FBXW11: variants seen among roughly 807,000 people sequenced by gnomAD.
The protein encoded by FBXW11 is F-box/WD repeat-containing protein 11.
In FBXW11, 19 loss-of-function variants were observed where a neutral mutation model predicts 77.6. The observed-to-expected ratio is 0.24, with a 90% CI of 0.17 to 0.36. The LOEUF is 0.36. Among genes scored for constraint, FBXW11 ranks in the 10% least tolerant of loss-of-function variants. The pLI is 1.00. For missense variants in FBXW11, 334 were observed against 704.2 expected (o/e 0.47, Z 5.95); for synonymous variants, 235 against 249.4 (o/e 0.94, Z 0.54).
At chr5:171,993,305 T>C (rs185431570) in intron 1 of FBXW11, among the ~76,000 whole-genome samples, 9 of 152,180 alleles carry the variant, frequency 5.9e-5, no homozygotes, top group Non-Finnish European at 1.2e-4. Context: ...ACCTAGTAAG[T>C]AAATCTGCCT....
intron 2 of FBXW11, among the ~76,000 whole-genome samples, chr5:171,953,506 A>G (rs1763458559): frequency 6.6e-6 from 1 of 152,186 alleles, no homozygotes; most frequent in South Asian, 2.1e-4. Flanking sequence ...GAACAAAAAC[A>G]GCCTTATCAT....
At chr5:171,947,258 CAA>C (rs979316437) in intron 2 of FBXW11, among the ~76,000 whole-genome samples, 7 of 152,242 alleles carry the variant, frequency 4.6e-5, no homozygotes, top group African/African-American at 1.4e-4. Flanking sequence ...GAAGAAAAAA[CAA>C]AAGAGTGAAG....
At chr5:171,889,825 T>C (rs1581155032) in intron 7 of FBXW11, among the ~76,000 whole-genome samples, 2 of 150,556 alleles carry the variant, frequency 1.3e-5, no homozygotes, top group Non-Finnish European at 3.0e-5. Context: ...GAGGCGGAGG[T>C]TGCAGTGAGC....
chr5:171,924,760 G>A (rs545389606), intron 2 of FBXW11, among the ~76,000 whole-genome samples: 10 of 146,036 alleles, frequency 6.8e-5, no homozygotes, highest in East Asian at 2.0e-4. Context: ...GCTGAAACAC[G>A]TCCCACCCCC....
At chr5:171,998,796 CAA>C (rs34476350) in intron 1 of FBXW11, among the ~76,000 whole-genome samples, 34 of 60,016 alleles carry the variant, frequency 5.7e-4, no homozygotes, top group Admixed American at 8.0e-4. Flanking sequence ...GACTCCGTCT[CAA>C]AAAAAAAAAA....
intron 2 of FBXW11, among the ~76,000 whole-genome samples, chr5:171,921,097 T>G (rs1351814273): frequency 1.3e-5 from 2 of 152,232 alleles, no homozygotes; most frequent in African/African-American, 4.8e-5. Context: ...TTAGAATTCA[T>G]TCTTTCTTCA....
At chr5:171,898,870 T>A (rs1020188969) in intron 6 of FBXW11, 134 bp downstream of exon 6, 4 of 502,256 alleles carry the variant, frequency 8.0e-6, no homozygotes, top group Non-Finnish European at 1.4e-5. Context: ...CATGACACAT[T>A]TACTCCAAAA....
intron 2 of FBXW11, among the ~76,000 whole-genome samples, chr5:171,956,212 C>A (rs1177559252): frequency 6.6e-6 from 1 of 152,126 alleles, no homozygotes; most frequent in Non-Finnish European, 1.5e-5. Context: ...ATTATAATAA[C>A]GCAAATATCC....
At chr5:171,877,092 ATTTC>A (rs1445550324) in intron 8 of FBXW11, among the ~76,000 whole-genome samples, 1 of 152,106 alleles carries the variant, frequency 6.6e-6, no homozygotes, top group African/African-American at 2.4e-5. Context: ...CCTAAAAGCA[ATTTC>A]TTTATTTGCT....
At chr5:171,881,935 A>G (rs79631360) in intron 7 of FBXW11, among the ~76,000 whole-genome samples, 3 of 152,150 alleles carry the variant, frequency 2.0e-5, no homozygotes, top group African/African-American at 7.2e-5. Flanking sequence ...TTTCATTTCA[A>G]TATTAGGAAT....
At chr5:171,900,139 G>A in intron 4 of FBXW11, 39 bp from the exon 5 acceptor site, 1 of 1,518,590 alleles carries the variant, frequency 6.6e-7, no homozygotes, top group Middle Eastern at 1.7e-4. Context: ...CGGGAAGAGA[G>A]ATAGAAAGGT....
chr5:171,878,576 GTGTGTGTGTGTGTGTA>G (rs1758269065), intron 7 of FBXW11, among the ~76,000 whole-genome samples: 3 of 66,554 alleles, frequency 4.5e-5, no homozygotes, highest in South Asian at 9.0e-4. Flanking sequence ...GTGTGTGTGT[GTGTGTGTGTGTGTGTA>G]AGAGAGAGAG....
chr5:171,984,359 T>C lies in FBXW11; in HGVS notation c.45+22099A>G, dbSNP rs548848440. Among the ~76,000 whole-genome samples, 10 of 152,322 alleles carry C rather than the reference T, an allele frequency of 6.6e-5. No homozygotes were observed. The South Asian group carries it at 1.9e-3, about 28-fold the overall frequency. On this transcript the variant is annotated intron_variant, in intron 1 of 13. Coordinates refer to ENST00000517395, the MANE Select transcript of FBXW11 (RefSeq NM_001378974.1). ...CCTATACAAATGCTCTTTTAACCAA[T>C]CTCTGTTTATCCTCCAAAGCCGGAA...
intron 1 of FBXW11, among the ~76,000 whole-genome samples, chr5:172,001,762 T>G (rs895659722): frequency 1.3e-5 from 2 of 152,220 alleles, no homozygotes; most frequent in African/African-American, 4.8e-5. Flanking sequence ...GTTTTATGGG[T>G]GGATAGGACT....
chr5:171,991,327 T>C (rs1319649088), intron 1 of FBXW11, among the ~76,000 whole-genome samples: 1 of 152,130 alleles, frequency 6.6e-6, no homozygotes, highest in African/African-American at 2.4e-5. Context: ...GACAAAAATA[T>C]GCCTCAAAAA....
chr5:171,983,982 G>GA (rs796669672), intron 1 of FBXW11, among the ~76,000 whole-genome samples: 1,459 of 143,212 alleles, frequency 0.01, 16 homozygotes, highest in African/African-American at 0.033. Context: ...ATAATGCATA[G>GA]AAAAAAAAAA....
In FBXW11 at chr5:171,910,567, G is replaced by A; in HGVS notation, c.436+5C>T. Reference sequence around the variant, plus strand: ...CTCAGCTTTTGAAAAGACAAGTACAGTTACCTGGTAAAGCGGTAATAAAGT... The same window carrying A: ...CTCAGCTTTTGAAAAGACAAGTACAATTACCTGGTAAAGCGGTAATAAAGT... On this transcript the variant is annotated splice_donor_5th_base_variant and intron_variant, in intron 4 of 13. Transcript: ENST00000517395. The A allele has an allele frequency of 1.2e-6, 2 of 1,608,952 alleles. No individual in the cohort carries two copies. Among genetic ancestry groups the A allele is most frequent in the Non-Finnish European group, 1.7e-6 (2 of 1,176,516 alleles).
intron 1 of FBXW11, among the ~76,000 whole-genome samples, chr5:171,987,942 GA>G (rs1306013796): frequency 6.6e-6 from 1 of 152,128 alleles, no homozygotes; most frequent in Non-Finnish European, 1.5e-5. Flanking sequence ...ACAATACCTA[GA>G]ACAGAGTACA....
intron 1 of FBXW11, among the ~76,000 whole-genome samples, chr5:171,989,284 T>C (rs1191029056): frequency 6.6e-6 from 1 of 152,342 alleles, no homozygotes; most frequent in Middle Eastern, 3.4e-3. Context: ...AAACAGGGTA[T>C]TTACAAGGTG....
Sources: allele counts gnomAD v4.1 joint callset (sites outside exome capture counted in the v4.1 genomes callset), GRCh38; gene constraint gnomAD v4.1.1; transcripts MANE v1.5; gene names NCBI Gene and HGNC (gene_info 2026-07-23, HGNC 2026-07-21).